TRPC5: variants seen among roughly 807,000 people sequenced by gnomAD.
The protein encoded by TRPC5 is transient receptor potential cation channel subfamily C member 5.
Under a neutral mutation model 56.5 loss-of-function variants are expected in TRPC5, and 9 were observed. That is an observed-to-expected ratio of 0.16 (90% CI 0.10 to 0.28). TRPC5 has a LOEUF of 0.28. Among genes scored for constraint, TRPC5 ranks in the 10% least tolerant of loss-of-function variants. TRPC5 has a pLI of 1.00. For synonymous variants in TRPC5, 282 were observed against 278.5 expected, an observed-to-expected ratio of 1.01 and a Z score of -0.13; for missense variants, 469 against 748.9, an observed-to-expected ratio of 0.63 and a Z score of 4.36.
intron 6 of TRPC5, among the ~76,000 whole-genome samples, chrX:111,846,537 G>A (rs1004084018): frequency 8.9e-6 from 1 of 111,738 alleles, no homozygotes; most frequent in Non-Finnish European, 1.9e-5. Context: ...CTTGTGTCCT[G>A]AGACATTTCC....
intron 2 of TRPC5, among the ~76,000 whole-genome samples, chrX:111,949,095 C>A (rs1927007573): frequency 8.9e-6 from 1 of 111,830 alleles, no homozygotes; most frequent in South Asian, 3.7e-4. Context: ...GGGAAGGACA[C>A]CCTTTTCAAC....
intron 1 of TRPC5, among the ~76,000 whole-genome samples, chrX:111,972,360 T>C (rs141760008): frequency 0.078 from 8,687 of 111,268 alleles, 336 homozygotes; most frequent in Non-Finnish European, 0.12. Flanking sequence ...TTCTGCTCAT[T>C]TCCTTCTAGA....
intron 7 of TRPC5, among the ~76,000 whole-genome samples, chrX:111,829,105 C>A (rs2148574717): frequency 9.1e-6 from 1 of 109,587 alleles, no homozygotes; most frequent in African/African-American, 3.3e-5. Flanking sequence ...CATTCGAGAC[C>A]AGCCTGGCCA....
chrX:111,841,266 C>T (rs772295716), intron 6 of TRPC5, among the ~76,000 whole-genome samples: 1 of 112,038 alleles, frequency 8.9e-6, no homozygotes, highest in South Asian at 3.7e-4. Context: ...TGTCCTTTTT[C>T]GCTTTTCGTG....
intron 1 of TRPC5, among the ~76,000 whole-genome samples, chrX:112,046,263 G>A (rs1343883305): frequency 5.8e-5 from 6 of 104,282 alleles, no homozygotes; most frequent in Admixed American, 1.1e-4. Context: ...GCTTGTTCAA[G>A]GCTATTGGAC....
chrX:111,899,095 T>G (rs966044540), intron 3 of TRPC5, among the ~76,000 whole-genome samples: 5 of 110,257 alleles, frequency 4.5e-5, no homozygotes, highest in African/African-American at 1.6e-4. Flanking sequence ...AGTTTCTCCT[T>G]GCCCTCTCCT....
chrX:111,921,348 C>T (rs935671878), intron 2 of TRPC5, among the ~76,000 whole-genome samples: 4 of 111,590 alleles, frequency 3.6e-5, no homozygotes, highest in African/African-American at 1.3e-4. Flanking sequence ...CCATAGTTTG[C>T]AGACTCTTGG....
Position 111,993,304 on chromosome X carries a change from A to T in TRPC5, c.-21-40863T>A, listed in dbSNP as rs774740420. ...ATTTTCTTAATCCAGTCTATCACTG[A>T]TGGACATTTGGGTTGGTTCCCAGTC... On this transcript the variant is annotated intron_variant, in intron 1 of 10. Transcript: ENST00000262839. Among the ~76,000 whole-genome samples the T allele has an allele frequency of 3.6e-3, 399 of 111,680 alleles. 11 individuals are homozygous for T. Among genetic ancestry groups the T allele is most frequent in the South Asian group, 9.9e-3 (26 of 2,627 alleles).
chrX:112,060,846 G>A (rs1930444587), intron 1 of TRPC5, among the ~76,000 whole-genome samples: 1 of 112,504 alleles, frequency 8.9e-6, no homozygotes, highest in Non-Finnish European at 1.9e-5. Flanking sequence ...GCTGCAATAT[G>A]CTTTCTCTTT....
chrX:111,804,697 G>T (rs1018780190), intron 7 of TRPC5, among the ~76,000 whole-genome samples: 1 of 111,803 alleles, frequency 8.9e-6, no homozygotes, highest in African/African-American at 3.3e-5. Context: ...TTTGCACATT[G>T]ATTTTGTATT....
intron 3 of TRPC5, among the ~76,000 whole-genome samples, chrX:111,891,752 T>C (rs1924819797): frequency 9.0e-6 from 1 of 111,052 alleles, no homozygotes; most frequent in African/African-American, 3.3e-5. Context: ...TTTCACTATG[T>C]TGGCCAGGCT....
At chrX:111,901,353 A>G (rs1044761828) in intron 3 of TRPC5, among the ~76,000 whole-genome samples, 1 of 111,650 alleles carries the variant, frequency 9.0e-6, no homozygotes, top group Non-Finnish European at 1.9e-5. Flanking sequence ...GATAAAGACC[A>G]TGAGGTTTTC....
intron 1 of TRPC5, among the ~76,000 whole-genome samples, chrX:112,063,514 C>CT (rs889101972): frequency 2.7e-5 from 3 of 111,867 alleles, no homozygotes; most frequent in Non-Finnish European, 5.6e-5. Context: ...TGATTTGCTG[C>CT]TTTTTTATAC....
chrX:112,007,138 T>G (rs1240011816), intron 1 of TRPC5, among the ~76,000 whole-genome samples: 1 of 110,774 alleles, frequency 9.0e-6, no homozygotes, highest in Non-Finnish European at 1.9e-5. Flanking sequence ...AAAAGTAGAA[T>G]CAATAGGTTT....
At chrX:112,034,537 A>G (rs1929678076) in intron 1 of TRPC5, among the ~76,000 whole-genome samples, 1 of 110,374 alleles carries the variant, frequency 9.1e-6, no homozygotes, top group African/African-American at 3.3e-5. Flanking sequence ...GCATCATTTG[A>G]GATGAAGATG....
intron 5 of TRPC5, among the ~76,000 whole-genome samples, chrX:111,849,878 C>T (rs1836849510): frequency 8.9e-6 from 1 of 111,991 alleles, no homozygotes. Flanking sequence ...AAATTCAGAT[C>T]TCCTGACTCT....
rs1462605527 is a variant in TRPC5, at chrX:111,771,341, TAATATG to T, written c.*4966_*4971del. 8.9e-6 allele frequency among the ~76,000 whole-genome samples: 1 copy of T among 111,793 alleles called. No individual in the cohort carries two copies. Among genetic ancestry groups the T allele is most frequent in the Non-Finnish European group, 1.9e-5 (1 of 53,176 alleles). On this transcript the variant is annotated 3_prime_UTR_variant, in exon 11 of 11. Transcript: ENST00000262839. ...TTTTATGTTTAAATATTATAATTCT[TAATATG>T]TATATGTCTCTCAGGTACCACAAAC...
At chrX:111,817,744 T>A (rs1921905666) in intron 7 of TRPC5, among the ~76,000 whole-genome samples, 1 of 111,428 alleles carries the variant, frequency 9.0e-6, no homozygotes, top group African/African-American at 3.3e-5. Context: ...TTCTCTAGGG[T>A]CACAGATCTA....
intron 2 of TRPC5, among the ~76,000 whole-genome samples, chrX:111,916,537 A>G (rs1925981673): frequency 8.9e-6 from 1 of 112,178 alleles, no homozygotes; most frequent in East Asian, 2.8e-4. Flanking sequence ...AATGAGGGTT[A>G]GAAGATTCTG....
Sources: gnomAD v4.1 joint callset for allele counts (sites outside exome capture counted in the v4.1 genomes callset) on GRCh38, gnomAD v4.1.1 for gene constraint, MANE v1.5 for transcripts, NCBI Gene and HGNC (gene_info 2026-07-23, HGNC 2026-07-21) for gene names.